The following COQ3 variants were observed in gnomAD, a reference collection of about 807,000 sequenced individuals.
The protein encoded by COQ3 is ubiquinone biosynthesis O-methyltransferase, mitochondrial.
In COQ3, 29 loss-of-function variants were observed where a neutral mutation model predicts 33.1. That is an observed-to-expected ratio of 0.88 (90% confidence interval 0.65 to 1.19). The LOEUF is 1.19. COQ3 is among the 50% of genes most tolerant of loss of function. The pLI, the probability that COQ3 is intolerant of heterozygous loss-of-function variation, is 0.00. For missense variants in COQ3, 437 were observed against 430.7 expected (o/e 1.01, Z -0.13); for synonymous variants, 173 against 157.8 (o/e 1.10, Z -0.72).
intron 2 of COQ3, among the ~76,000 whole-genome samples, chr6:99,382,333 G>C (rs965199420): frequency 6.6e-6 from 1 of 152,136 alleles, no homozygotes. Flanking sequence ...CCTTCAAAGG[G>C]CTGCTCAGGT....
At chr6:99,374,405 G>A (rs117911374) in intron 5 of COQ3, among the ~76,000 whole-genome samples, 1,956 of 152,248 alleles carry the variant, frequency 0.013, 23 homozygotes, top group Non-Finnish European at 0.02. Context: ...CCCTTATGAT[G>A]TGAGATGTTA....
chr6:99,394,003 C>T (rs571778741), intron 1 of COQ3, 71 bp downstream of exon 1: 7 of 1,337,298 alleles, frequency 5.2e-6, no homozygotes, highest in Middle Eastern at 2.1e-4. Flanking sequence ...CCGCCCCACC[C>T]CCGGCGCATG....
chr6:99,379,857 A>G (rs1774416813), intron 3 of COQ3, among the ~76,000 whole-genome samples: 1 of 150,164 alleles, frequency 6.7e-6, no homozygotes, highest in Non-Finnish European at 1.5e-5. Context: ...CTCCATCTCA[A>G]AAAAAAAAAT....
rs1470100786 is a variant in COQ3 at position 99,376,072 on chromosome 6, C to A, written c.597G>T (p.Glu199Asp). The A allele has an allele frequency of 6.2e-7, 1 of 1,614,094 alleles. No individual in the cohort carries two copies. The highest frequency in any genetic ancestry group is 8.5e-7 in the Non-Finnish European group (1 of 1,179,976). The change falls in exon 5 of 7, where the codon GAG becomes GAT. Residue 199 changes from glutamate (E) to aspartate (D), a missense_variant. Physicochemically the swap from Glu to Asp is conservative, Grantham distance 45 (BLOSUM62 2). Transcript: ENST00000254759. Reference sequence around the variant, plus strand: ...TCTCTTCCAGGGAACACACTCTGTACTCTATTCTCTTATCCAGGACTGGAT... The same window carrying A: ...TCTCTTCCAGGGAACACACTCTGTAATCTATTCTCTTATCCAGGACTGGAT... The part of the protein sequence containing the change: ...SFDPVLDKRI[E>D]YRVCSLEEIV...
chr6:99,372,305 T>G (rs940798392), intron 5 of COQ3, among the ~76,000 whole-genome samples: 37 of 151,390 alleles, frequency 2.4e-4, no homozygotes. Flanking sequence ...CTCAGGAGGC[T>G]GAGGCAGGAG....
intron 3 of COQ3, 57 bp downstream of exon 3, chr6:99,380,132 A>G (rs1774423699): frequency 1.3e-6 from 2 of 1,521,738 alleles, no homozygotes; most frequent in Non-Finnish European, 1.8e-6. Context: ...AATGAATGTG[A>G]AATATGAATT....
At chr6:99,392,590 T>C (rs1337580682) in intron 1 of COQ3, among the ~76,000 whole-genome samples, 1 of 151,368 alleles carries the variant, frequency 6.6e-6, no homozygotes, top group African/African-American at 2.4e-5. Context: ...ACAAACTTTC[T>C]CACAGATTCT....
In COQ3 at chr6:99,380,127, ATG is replaced by A. The variant is rs1774423445; in HGVS notation, c.386+60_386+61del. 2.0e-6 allele frequency: 3 copies of A among 1,497,652 alleles called. No individual in the cohort carries two copies. The African/African-American group carries it at 4.2e-5, about 21-fold the overall frequency. 92.8% of individuals were successfully genotyped at this position (1,497,652 alleles called of 1,614,324 possible). On this transcript the variant is annotated intron_variant, in intron 3 of 6. Transcript: ENST00000254759. ...TAGGTATAAACTAAGAAAAAAATGAATGTGAAATATGAATTCTTAAAAAGTTC... is the reference window on the plus strand; with the variant it reads ...TAGGTATAAACTAAGAAAAAAATGAATGAAATATGAATTCTTAAAAAGTTC...
At chr6:99,393,128 C>T (rs1774876146) in intron 1 of COQ3, among the ~76,000 whole-genome samples, 1 of 151,522 alleles carries the variant, frequency 6.6e-6, no homozygotes, top group African/African-American at 2.4e-5. Context: ...CAGGCAATCA[C>T]TGCAAAATTT....
chr6:99,388,483 A>G (rs1329909503), intron 1 of COQ3, among the ~76,000 whole-genome samples: 1 of 140,832 alleles, frequency 7.1e-6, no homozygotes, highest in Non-Finnish European at 1.5e-5. Context: ...ATTTAATACA[A>G]TTCCTATCAA....
At chr6:99,387,935 C>A (rs12198856) in intron 1 of COQ3, among the ~76,000 whole-genome samples, 1 of 151,970 alleles carries the variant, frequency 6.6e-6, no homozygotes, top group Non-Finnish European at 1.5e-5. Flanking sequence ...GAGGCCGAGG[C>A]GGGTGGATCA....
chr6:99,371,572 A>G lies in COQ3; in HGVS notation c.745T>C (p.Phe249Leu). 1 of 1,598,116 alleles carries G rather than the reference A, an allele frequency of 6.3e-7. No individual in the cohort carries two copies. The highest frequency in any genetic ancestry group is 1.1e-5 in the South Asian group (1 of 87,676). ...TGTGTTTTGTTGATTGTAGTAATGAATAAAGAACCACCGGGCTAAAAGAAA... is the reference window on the plus strand; with the variant it reads ...TGTGTTTTGTTGATTGTAGTAATGAGTAAAGAACCACCGGGCTAAAAGAAA... ...CQVLKPGGSL[F>L]ITTINKTQLS... Residue 249 changes from phenylalanine to leucine, a missense_variant, in exon 6 of 7, where the codon TTC becomes CTC. Phe to Leu is a conservative substitution (Grantham distance 22). Transcript: ENST00000254759.
At chr6:99,383,848 A>G (rs1289674169) in intron 1 of COQ3, 24 bp from the exon 2 acceptor site, 4 of 1,544,198 alleles carry the variant, frequency 2.6e-6, no homozygotes, top group Non-Finnish European at 3.5e-6. Context: ...TTAAATATCT[A>G]GAGAAAAGCT....
intron 2 of COQ3, among the ~76,000 whole-genome samples, chr6:99,380,936 T>C (rs1181514269): frequency 2.6e-5 from 4 of 151,940 alleles, no homozygotes; most frequent in African/African-American, 7.2e-5. Context: ...TAATAATAGC[T>C]ACCATTTATT....
chr6:99,377,603 T>C, intron 3 of COQ3, 118 bp from the exon 4 acceptor site: 2 of 579,316 alleles, frequency 3.5e-6, no homozygotes, highest in Non-Finnish European at 5.7e-6. Context: ...TATTCATTTT[T>C]TTTATAAATA....
rs144072737 is a variant in COQ3, at chr6:99,370,032, A to G, written c.890-212T>C. 7.7e-4 allele frequency among the ~76,000 whole-genome samples: 117 copies of G among 152,286 alleles called. 2 individuals are homozygous for G. In the East Asian group the frequency reaches 0.021, roughly 28 times the overall value. On this transcript the variant is annotated intron_variant, in intron 6 of 6. Transcript: ENST00000254759. ...TACTGCAGAACTTCAGTAAGTCGCA[A>G]TTAGGACACATACTCCAACGCAGTC...
At chr6:99,380,389 A>C in intron 2 of COQ3, 48 bp from the exon 3 acceptor site, 1 of 1,569,118 alleles carries the variant, frequency 6.4e-7, no homozygotes, top group Non-Finnish European at 8.8e-7. Flanking sequence ...GTTTTGAAGA[A>C]ATGTTTAACA....
chr6:99,369,854 A>C (rs1255695237), intron 6 of COQ3, 34 bp from the exon 7 acceptor site: 1 of 1,389,162 alleles, frequency 7.2e-7, no homozygotes, highest in African/African-American at 1.4e-5. Context: ...GAGTAGATTT[A>C]ATAAATATTT....
rs1395295038 is a variant in COQ3 at position 99,385,992 on chromosome 6, AAGAAAAGAAAAAAGAAAAG to A, written c.107-2187_107-2169del. Among the ~76,000 whole-genome samples the A allele has an allele frequency of 3.6e-5, 3 of 83,230 alleles. No homozygotes were observed. In the East Asian group the frequency reaches 7.3e-4, roughly 20 times the overall value. The allele number at this position is 83,230 out of a possible 152,430, so 54.6% of individuals were successfully genotyped here. On this transcript the variant is annotated intron_variant, in intron 1 of 6. Coordinates refer to ENST00000254759, the MANE Select transcript of COQ3 (RefSeq NM_017421.4). ...ACTCTGTCTCAAAAAAAAAAAAAAA[AAGAAAAGAAAAAAGAAAAG>A]AAAAGAAAAAAGAAAAGGAAGAAAG...
Sources: allele counts gnomAD v4.1 joint callset (sites outside exome capture counted in the v4.1 genomes callset), GRCh38; gene constraint gnomAD v4.1.1; transcripts MANE v1.5; gene names NCBI Gene and HGNC (gene_info 2026-07-23, HGNC 2026-07-21).